CNTLN: variants seen among roughly 807,000 people sequenced by gnomAD.
CNTLN encodes centlein.
A neutral mutation model predicts 180.0 loss-of-function variants in CNTLN; 212 were observed. The ratio of observed to expected loss-of-function variants is 1.18; its 90% confidence interval spans 1.05 to 1.32. The LOEUF (loss-of-function observed/expected upper bound fraction) is 1.32. Among genes scored for constraint, CNTLN ranks in the 40% most tolerant of loss-of-function variants. The probability of loss-of-function intolerance (pLI) is 0.00; values close to 1 mark genes in which losing one functional copy is unlikely to be tolerated. For synonymous variants in CNTLN, 722 were observed against 563.1 expected (o/e 1.28, Z -3.99); for missense variants, 2,095 against 1,610.9 (o/e 1.30, Z -5.14).
In CNTLN at chr9:17,309,065, A is replaced by G. The variant is rs910481030; in HGVS notation, c.1154A>G (p.Asn385Ser). 2 of 1,575,768 alleles carry G rather than the reference A, an allele frequency of 1.3e-6. No individual in the cohort carries two copies. Among genetic ancestry groups the G allele is most frequent in the South Asian group, 1.2e-5 (1 of 84,366 alleles). The change falls in exon 8 of 26, where the codon AAT becomes AGT. Residue 385 changes from asparagine (N) to serine (S), a missense_variant. Physicochemically the swap from Asn to Ser is conservative, Grantham distance 46 (BLOSUM62 1). Transcript: ENST00000380647. ...AESISYQKLYNELHICFETTK... is the reference protein window; with the variant it reads ...AESISYQKLYSELHICFETTK... ...ATATATTTTTTGAAACAGCTTTACA[A>G]TGAGTTACATATTTGTTTTGAAACC...
intron 2 of CNTLN, among the ~76,000 whole-genome samples, chr9:17,179,231 G>C (rs1289649489): frequency 2.3e-5 from 3 of 130,906 alleles, no homozygotes; most frequent in South Asian, 2.7e-4. Flanking sequence ...GCGACAGAGC[G>C]AGACTCCGTC....
the CNTLN span, among the ~76,000 whole-genome samples, chr9:17,527,008 G>T: frequency 1.1e-4 from 16 of 152,228 alleles, no homozygotes; most frequent in African/African-American, 3.4e-4. Flanking sequence ...TTCCCAAGTA[G>T]CTGGGATTAT....
At chr9:17,281,193 C>T (rs1828639313) in intron 6 of CNTLN, among the ~76,000 whole-genome samples, 1 of 152,106 alleles carries the variant, frequency 6.6e-6, no homozygotes, top group Non-Finnish European at 1.5e-5. Flanking sequence ...TATACTCTTC[C>T]TCTAAGTATT....
In CNTLN at chr9:17,413,356, AAG is replaced by A. The variant is rs557801777; in HGVS notation, c.2797-2429_2797-2428del. 1.1e-4 allele frequency among the ~76,000 whole-genome samples: 17 copies of A among 152,302 alleles called. No individual in the cohort carries two copies. The East Asian group carries it at 2.3e-3, about 21-fold the overall frequency. ...AATCTTGAAGTCTTAGAGCTGAGTG[AAG>A]AGTTTTTAGACATGATACCAAAAGC... On this transcript the variant is annotated intron_variant, in intron 16 of 25. Coordinates refer to ENST00000380647, the MANE Select transcript of CNTLN (RefSeq NM_017738.4).
Position 17,328,642 on chromosome 9 carries a change from G to A in CNTLN, c.1342-1990G>A, listed in dbSNP as rs571024465. Among the ~76,000 whole-genome samples the A allele has an allele frequency of 3.9e-5, 6 of 152,254 alleles. No individual in the cohort carries two copies. In the South Asian group the frequency reaches 8.3e-4, roughly 21 times the overall value. On this transcript the variant is annotated intron_variant, in intron 8 of 25. Transcript: ENST00000380647. The stretch of plus-strand genomic sequence containing the variant: ...GAGACAAACCAGACTTAAAGAAAAT[G>A]GGAACATGAATAAGTTACTTTGTGA...
intron 5 of CNTLN, among the ~76,000 whole-genome samples, chr9:17,238,306 T>C (rs902167686): frequency 6.6e-5 from 10 of 152,208 alleles, no homozygotes; most frequent in Non-Finnish European, 1.2e-4. Flanking sequence ...ACAAAGTTTT[T>C]CCCACCCTAA....
chr9:17,145,012 T>G (rs1295358104), intron 2 of CNTLN, among the ~76,000 whole-genome samples: 2 of 150,916 alleles, frequency 1.3e-5, no homozygotes, highest in East Asian at 3.9e-4. Context: ...CGGCTAATTT[T>G]TTGTATTTTT....
At chr9:17,308,607 G>A (rs142028348) in intron 7 of CNTLN, among the ~76,000 whole-genome samples, 352 of 151,694 alleles carry the variant, frequency 2.3e-3, no homozygotes, top group Non-Finnish European at 4.0e-3. Flanking sequence ...CTTTCCTATC[G>A]TTGTACATAA....
chr9:17,325,616 T>C (rs1010880043), intron 8 of CNTLN, among the ~76,000 whole-genome samples: 1 of 151,858 alleles, frequency 6.6e-6, no homozygotes, highest in Non-Finnish European at 1.5e-5. Flanking sequence ...TTCAGTGATA[T>C]ATTGTTTTAA....
intron 10 of CNTLN, 75 bp from the exon 11 acceptor site, chr9:17,340,752 G>T: frequency 1.6e-6 from 2 of 1,246,692 alleles, no homozygotes; most frequent in Non-Finnish European, 2.2e-6. Flanking sequence ...TATTTAGATG[G>T]GTAACCTTTT....
At chr9:17,427,283 C>CTT (rs34174830) in intron 18 of CNTLN, among the ~76,000 whole-genome samples, 2 of 135,862 alleles carry the variant, frequency 1.5e-5, no homozygotes, top group African/African-American at 5.5e-5. Flanking sequence ...GTTGCTGCTT[C>CTT]TTTTTTTTTT....
rs772632628 is a variant in CNTLN, at chr9:17,193,211, C to T, written c.450-32992C>T. Among the ~76,000 whole-genome samples the T allele has an allele frequency of 3.9e-5, 6 of 152,208 alleles. No individual in the cohort carries two copies. In the East Asian group the frequency reaches 5.8e-4, roughly 15 times the overall value. On this transcript the variant is annotated intron_variant, in intron 2 of 25. Coordinates refer to ENST00000380647, the MANE Select transcript of CNTLN (RefSeq NM_017738.4). ...CCATATCATTCCACCCCGGCCCCTC[C>T]GCATGTCATGTCCTCACATTTCAAA...
At chr9:17,269,744 A>T (rs1437067269) in intron 5 of CNTLN, among the ~76,000 whole-genome samples, 1 of 152,046 alleles carries the variant, frequency 6.6e-6, no homozygotes, top group Non-Finnish European at 1.5e-5. Context: ...TGTTGAGTGG[A>T]ATATTCTGTA....
At chr9:17,478,436 G>A (rs1832468792) in intron 23 of CNTLN, among the ~76,000 whole-genome samples, 1 of 151,880 alleles carries the variant, frequency 6.6e-6, no homozygotes, top group South Asian at 2.1e-4. Context: ...TTTTGATTAC[G>A]TTGTCTTTGC....
chr9:17,153,074 T>C (rs774517676), intron 2 of CNTLN, among the ~76,000 whole-genome samples: 1 of 152,232 alleles, frequency 6.6e-6, no homozygotes, highest in Non-Finnish European at 1.5e-5. Context: ...ATGGTTCTCC[T>C]GAATACAGCA....
At chr9:17,257,446 T>A (rs1232189184) in intron 5 of CNTLN, among the ~76,000 whole-genome samples, 2 of 152,054 alleles carry the variant, frequency 1.3e-5, no homozygotes, top group African/African-American at 4.8e-5. Flanking sequence ...TAGGTGTGCA[T>A]GTGTCTTTAT....
At chr9:17,249,214 A>T (rs1563919890) in intron 5 of CNTLN, among the ~76,000 whole-genome samples, 1 of 152,096 alleles carries the variant, frequency 6.6e-6, no homozygotes, top group African/African-American at 2.4e-5. Flanking sequence ...TCTTATGGCT[A>T]TAAATTTCCT....
intron 8 of CNTLN, among the ~76,000 whole-genome samples, chr9:17,326,018 T>C (rs1406978970): frequency 6.6e-6 from 1 of 152,042 alleles, no homozygotes; most frequent in African/African-American, 2.4e-5. Context: ...ATTTAAAAAA[T>C]AGTAATTTGT....
downstream of CNTLN, among the ~76,000 whole-genome samples, chr9:17,507,109 C>T (rs759908447): frequency 6.6e-6 from 1 of 152,088 alleles, no homozygotes; most frequent in Non-Finnish European, 1.5e-5. Context: ...GCAAACAGTA[C>T]CTGATACATA....
Sources: gnomAD v4.1 joint callset for allele counts (sites outside exome capture counted in the v4.1 genomes callset) on GRCh38, gnomAD v4.1.1 for gene constraint, MANE v1.5 for transcripts, NCBI Gene and HGNC (gene_info 2026-07-23, HGNC 2026-07-21) for gene names.